ST7: variants seen among roughly 807,000 people sequenced by gnomAD.
ST7 encodes suppression of tumorigenicity 7, also known as suppressor of tumorigenicity 7 protein.
ST7 carries 28 observed loss-of-function variants against 78.7 expected under a neutral mutation model. That is an observed-to-expected ratio of 0.36 (90% confidence interval 0.26 to 0.49). The LOEUF is 0.49. ST7 is among the 20% of genes least tolerant of loss of function. The probability of loss-of-function intolerance (pLI) is 0.99; values close to 1 mark genes in which losing one functional copy is unlikely to be tolerated. For missense variants in ST7, 418 were observed against 696.0 expected, an observed-to-expected ratio of 0.60 and a Z score of 4.49; for synonymous variants, 247 against 249.6, an observed-to-expected ratio of 0.99 and a Z score of 0.10.
intron 1 of ST7, among the ~76,000 whole-genome samples, chr7:117,097,902 A>ATTTTT (rs1801212822): frequency 6.4e-5 from 2 of 31,290 alleles, no homozygotes; most frequent in African/African-American, 1.2e-4. Context: ...ATATATATAT[A>ATTTTT]TATATATTTT....
At chr7:117,207,830 C>T (rs956419863) in intron 12 of ST7, among the ~76,000 whole-genome samples, 1 of 152,112 alleles carries the variant, frequency 6.6e-6, no homozygotes, top group Non-Finnish European at 1.5e-5. Context: ...AATTTCCCTT[C>T]TCCTTTGTTT....
chr7:117,106,625 T>A (rs1421509046), intron 2 of ST7, among the ~76,000 whole-genome samples: 1 of 145,704 alleles, frequency 6.9e-6, no homozygotes, highest in African/African-American at 2.5e-5. Context: ...TCTTTTTTTT[T>A]TTTTTTTTTT....
intron 1 of ST7, among the ~76,000 whole-genome samples, chr7:116,992,319 G>T (rs1447260104): frequency 2.0e-5 from 3 of 152,204 alleles, no homozygotes; most frequent in Admixed American, 6.5e-5. Context: ...TTCTGCCTGG[G>T]CATCCAGGCA....
intron 1 of ST7, among the ~76,000 whole-genome samples, chr7:116,968,922 T>C (rs1471838501): frequency 1.3e-5 from 2 of 152,110 alleles, no homozygotes; most frequent in East Asian, 3.9e-4. Flanking sequence ...TGGGGTTAAA[T>C]TGGAGTTCAT....
chr7:117,230,012 T>A lies in ST7; in HGVS notation c.*155T>A. 2 of 779,248 alleles carry A rather than the reference T, an allele frequency of 2.6e-6. No homozygotes were observed. Among genetic ancestry groups the A allele is most frequent in the East Asian group, 5.2e-5 (2 of 38,728 alleles). 48.3% of individuals were successfully genotyped at this position (779,248 alleles called of 1,614,324 possible). On this transcript the variant is annotated 3_prime_UTR_variant, in exon 16 of 16. Transcript: ENST00000323984. ...ACTATTCCATATTAAAAGCTGTTTT[T>A]GTTGTACAAAATTCACTGATGTTCA...
chr7:117,038,485 A>G (rs2096983583), intron 1 of ST7, among the ~76,000 whole-genome samples: 1 of 152,210 alleles, frequency 6.6e-6, no homozygotes, highest in South Asian at 2.1e-4. Flanking sequence ...GAAGTCAGAC[A>G]GATTGGGATT....
chr7:117,189,816 A>G (rs927552038), intron 11 of ST7, among the ~76,000 whole-genome samples: 5 of 152,192 alleles, frequency 3.3e-5, no homozygotes, highest in African/African-American at 1.2e-4. Flanking sequence ...TGCCTCATCA[A>G]CTTCAAATTA....
chr7:117,201,488 C>T (rs1027258766), intron 12 of ST7, among the ~76,000 whole-genome samples: 1 of 152,056 alleles, frequency 6.6e-6, no homozygotes, highest in Admixed American at 6.6e-5. Context: ...CTTCTCAAAC[C>T]TCATCCTATT....
chr7:117,074,224 C>T (rs1316894892), intron 1 of ST7, among the ~76,000 whole-genome samples: 6 of 152,120 alleles, frequency 3.9e-5, no homozygotes, highest in African/African-American at 1.4e-4. Context: ...AACCCTGTCT[C>T]TACTAAAAAT....
chr7:117,169,361 C>T (rs540789306), intron 9 of ST7, among the ~76,000 whole-genome samples: 81 of 152,136 alleles, frequency 5.3e-4, no homozygotes, highest in Admixed American at 6.5e-4. Context: ...GTGTCAAACT[C>T]CTGACCTCAG....
Position 117,097,903 on chromosome 7 carries a change from TA to T in ST7, c.152-1858del, listed in dbSNP as rs1296265882. 7.0e-4 allele frequency among the ~76,000 whole-genome samples: 28 copies of T among 40,120 alleles called. 1 individual carries two copies. Among genetic ancestry groups the T allele is most frequent in the East Asian group, 2.8e-3 (4 of 1,442 alleles). The allele number at this position is 40,120 out of a possible 152,430, so 26.3% of individuals were successfully genotyped here. Reference sequence around the variant, plus strand: ...CACTATATATATATATATATATATATATATATTTTTTTTTTTTTTTTTTTTG... The same window carrying T: ...CACTATATATATATATATATATATATTATATTTTTTTTTTTTTTTTTTTTG... On this transcript the variant is annotated intron_variant, in intron 1 of 15. Transcript: ENST00000323984.
At chr7:117,099,046 C>CA (rs754881472) in intron 1 of ST7, among the ~76,000 whole-genome samples, 3,866 of 30,544 alleles carry the variant, frequency 0.13, 694 homozygotes, top group Middle Eastern at 0.22. Flanking sequence ...CTCACTTTCG[C>CA]AAAAAAAAAA....
chr7:117,094,203 T>A (rs1011583059), intron 1 of ST7, among the ~76,000 whole-genome samples: 1 of 152,192 alleles, frequency 6.6e-6, no homozygotes, highest in Admixed American at 6.5e-5. Context: ...ATTTCACATA[T>A]CTAATTCCCC....
chr7:117,104,874 G>A (rs1376463541), intron 2 of ST7, among the ~76,000 whole-genome samples: 1 of 152,176 alleles, frequency 6.6e-6, no homozygotes. Flanking sequence ...TTATTAACGT[G>A]CACAGGAGAA....
chr7:117,033,426 T>C (rs1475681101), intron 1 of ST7, among the ~76,000 whole-genome samples: 1 of 151,992 alleles, frequency 6.6e-6, no homozygotes, highest in African/African-American at 2.4e-5. Flanking sequence ...CATGCTTTTT[T>C]TTTTTTTTCT....
chr7:117,050,943 AAAG>A (rs1797760346), intron 1 of ST7, among the ~76,000 whole-genome samples: 1 of 152,000 alleles, frequency 6.6e-6, no homozygotes, highest in Non-Finnish European at 1.5e-5. Context: ...AAAAAAAAAA[AAAG>A]AAAAGAAAAT....
At chr7:117,090,753 G>A in intron 1 of ST7, 1 of 166,380 alleles carries the variant, frequency 6.0e-6, no homozygotes. Flanking sequence ...GACCAGGGTG[G>A]AGATCTTCAT....
chr7:116,965,839 C>G (rs1405970110), intron 1 of ST7: 1 of 170,428 alleles, frequency 5.9e-6, no homozygotes, highest in East Asian at 1.8e-4. Context: ...GAAATATGGT[C>G]AGCTGCTAAG....
intron 1 of ST7, among the ~76,000 whole-genome samples, chr7:117,004,013 G>A (rs566703629): frequency 2.6e-5 from 4 of 152,220 alleles, no homozygotes; most frequent in South Asian, 4.1e-4. Context: ...CTTTTAAATT[G>A]AAAAGACTAA....
Sources: allele counts gnomAD v4.1 joint callset (sites outside exome capture counted in the v4.1 genomes callset), GRCh38; gene constraint gnomAD v4.1.1; transcripts MANE v1.5; gene names NCBI Gene and HGNC (gene_info 2026-07-23, HGNC 2026-07-21).